The following CNTN6 variants were observed in gnomAD, a reference collection of about 807,000 sequenced individuals.
CNTN6 encodes contactin-6.
In CNTN6, 137 loss-of-function variants were observed where a neutral mutation model predicts 122.8. The observed-to-expected ratio is 1.12, with a 90% CI of 0.97 to 1.29. CNTN6 has a LOEUF of 1.29. CNTN6 is among the 50% of genes most tolerant of loss of function. The probability of loss-of-function intolerance (pLI) is 0.00; values close to 1 mark genes in which losing one functional copy is unlikely to be tolerated. For synonymous variants in CNTN6, 570 were observed against 426.0 expected (o/e 1.34, Z -4.16); for missense variants, 1,634 against 1,223.4 (o/e 1.34, Z -5.01).
chr3:1,184,079 C>T (rs2093597150), intron 2 of CNTN6, among the ~76,000 whole-genome samples: 1 of 152,166 alleles, frequency 6.6e-6, no homozygotes, highest in Admixed American at 6.5e-5. Context: ...TAGAGATACT[C>T]TCTCACAAGA....
intron 2 of CNTN6, among the ~76,000 whole-genome samples, chr3:1,171,952 A>G (rs935377607): frequency 6.6e-6 from 1 of 152,124 alleles, no homozygotes; most frequent in African/African-American, 2.4e-5. Flanking sequence ...CTAAAGAACC[A>G]TGTTGCATCG....
intron 1 of CNTN6, among the ~76,000 whole-genome samples, chr3:1,126,099 G>C (rs1295097253): frequency 6.6e-6 from 1 of 151,776 alleles, no homozygotes; most frequent in African/African-American, 2.4e-5. Context: ...GAGTATTTTT[G>C]TCTTTCCCAT....
chr3:1,403,204 A>G (rs902800767), intron 22 of CNTN6, 114 bp from the exon 23 acceptor site: 14 of 633,302 alleles, frequency 2.2e-5, no homozygotes, highest in Non-Finnish European at 3.2e-5. Context: ...GACAAGTATA[A>G]TAAAATATGT....
At chr3:1,390,240 C>T (rs1285142811) in intron 20 of CNTN6, among the ~76,000 whole-genome samples, 1 of 152,040 alleles carries the variant, frequency 6.6e-6, no homozygotes, top group Non-Finnish European at 1.5e-5. Flanking sequence ...CAAACTAGAA[C>T]TCAAGATTAA....
At chr3:1,331,486 C>T (rs973840151) in intron 11 of CNTN6, among the ~76,000 whole-genome samples, 7 of 151,972 alleles carry the variant, frequency 4.6e-5, no homozygotes, top group African/African-American at 1.7e-4. Flanking sequence ...TGTCCTGACT[C>T]AGGTTGGGTC....
chr3:1,119,347 G>GTGTGTA (rs2091862570), intron 1 of CNTN6, among the ~76,000 whole-genome samples: 4 of 150,512 alleles, frequency 2.7e-5, no homozygotes, highest in African/African-American at 9.9e-5. Flanking sequence ...GTGTGTGTGT[G>GTGTGTA]TGTGTGGAGA....
chr3:1,350,886 T>G (rs1410607220), intron 11 of CNTN6, among the ~76,000 whole-genome samples: 2 of 151,830 alleles, frequency 1.3e-5, no homozygotes, highest in East Asian at 3.9e-4. Context: ...AGATAAAGAA[T>G]TATATTTGGC....
rs533811604 is a variant in CNTN6 at position 1,373,765 on chromosome 3, G to A, written c.1945+3G>A. The A allele has an allele frequency of 3.8e-6, 6 of 1,591,906 alleles. No individual in the cohort carries two copies. The highest frequency in any genetic ancestry group is 1.7e-4 in the Middle Eastern group (1 of 5,970). ...GGGTTGGCAGGCTGTTGCTACAGGT[G>A]AGTGACAAAAGTGTTTTGGGTCACT... On this transcript the variant is annotated splice_donor_region_variant and intron_variant, in intron 15 of 22. Coordinates refer to ENST00000446702, the MANE Select transcript of CNTN6 (RefSeq NM_001289080.2).
intron 2 of CNTN6, among the ~76,000 whole-genome samples, chr3:1,150,635 A>T (rs983584212): frequency 4.6e-5 from 7 of 152,206 alleles, no homozygotes; most frequent in African/African-American, 1.7e-4. Context: ...ATGAAGGCCC[A>T]TTTAATTAGG....
At chr3:1,344,891 G>C (rs2126049686) in intron 11 of CNTN6, among the ~76,000 whole-genome samples, 1 of 152,180 alleles carries the variant, frequency 6.6e-6, no homozygotes, top group African/African-American at 2.4e-5. Flanking sequence ...TTGGTACAGT[G>C]GCCAGATTTA....
intron 7 of CNTN6, among the ~76,000 whole-genome samples, chr3:1,305,482 T>G (rs1307036209): frequency 1.3e-5 from 2 of 152,178 alleles, no homozygotes; most frequent in Non-Finnish European, 2.9e-5. Flanking sequence ...AGCTGCAAAT[T>G]AATTGTATTG....
At chr3:1,401,376 A>C in intron 20 of CNTN6, 57 bp from the exon 21 acceptor site, 1 of 1,406,110 alleles carries the variant, frequency 7.1e-7, no homozygotes. Flanking sequence ...TTGATGCATC[A>C]TACTTTGACC....
At position 1,227,960 on chromosome 3, in the gene CNTN6, A is replaced by G. The variant is rs944451419; in HGVS notation, c.325A>G (p.Ile109Val). 6.2e-7 allele frequency: 1 copy of G among 1,613,786 alleles called. No homozygotes were observed. The highest frequency in any genetic ancestry group is 1.3e-5 in the African/African-American group (1 of 74,928). ...CCTGGCCACCAATCTTCTGGGGACAATTCTGAGTCGGAAGGCAAAGCTCCA... is the reference window on the plus strand; with the variant it reads ...CCTGGCCACCAATCTTCTGGGGACAGTTCTGAGTCGGAAGGCAAAGCTCCA... Reference protein sequence around the residue: ...QCLATNLLGTILSRKAKLQFA... With the variant: ...QCLATNLLGTVLSRKAKLQFA... The change falls in exon 4 of 23, where the codon ATT becomes GTT. Residue 109 changes from isoleucine (I) to valine (V), a missense_variant. Transcript: ENST00000446702.
At chr3:1,288,529 C>G (rs923273404) in intron 5 of CNTN6, among the ~76,000 whole-genome samples, 1 of 152,152 alleles carries the variant, frequency 6.6e-6, no homozygotes, top group East Asian at 1.9e-4. Flanking sequence ...TACACACATT[C>G]TGGAATATTC....
At chr3:1,261,065 A>T (rs1178530506) in intron 4 of CNTN6, among the ~76,000 whole-genome samples, 1 of 152,130 alleles carries the variant, frequency 6.6e-6, no homozygotes, top group Non-Finnish European at 1.5e-5. Flanking sequence ...TTAGAGAAAC[A>T]TTGGTTTGCC....
intron 19 of CNTN6, 121 bp from the exon 20 acceptor site, chr3:1,385,490 G>GTCATCTAT: frequency 1.5e-6 from 1 of 653,158 alleles, no homozygotes; most frequent in Non-Finnish European, 2.4e-6. Context: ...AAACGTTTTT[G>GTCATCTAT]TCATCTATAC....
chr3:1,274,540 A>G (rs926135942), intron 4 of CNTN6, among the ~76,000 whole-genome samples: 19 of 152,216 alleles, frequency 1.2e-4, no homozygotes, highest in African/African-American at 3.6e-4. Flanking sequence ...CTCAATTTAC[A>G]TATCAGATCT....
At chr3:1,289,756 A>G (rs1256380694) in intron 5 of CNTN6, among the ~76,000 whole-genome samples, 4 of 149,136 alleles carry the variant, frequency 2.7e-5, no homozygotes, top group South Asian at 4.2e-4. Context: ...CTCACTGCAA[A>G]CTCCAACTCC....
intron 2 of CNTN6, among the ~76,000 whole-genome samples, chr3:1,151,986 A>C (rs2092853537): frequency 6.6e-6 from 1 of 151,996 alleles, no homozygotes. Context: ...CATTTCTTAA[A>C]GTAGAAAAAA....
Sources: gnomAD v4.1 joint callset for allele counts (sites outside exome capture counted in the v4.1 genomes callset) on GRCh38, gnomAD v4.1.1 for gene constraint, MANE v1.5 for transcripts, NCBI Gene and HGNC (gene_info 2026-07-23, HGNC 2026-07-21) for gene names.